Variants in HMCN2 observed in about 807,000 individuals in gnomAD.
HMCN2 encodes the protein hemicentin 2.
HMCN2 carries 325 observed loss-of-function variants against 377.5 expected under a neutral mutation model. The ratio of observed to expected loss-of-function variants is 0.86; its 90% CI spans 0.79 to 0.94. The LOEUF (loss-of-function observed/expected upper bound fraction) is 0.94. HMCN2 is among the 40% of genes least tolerant of loss of function. HMCN2 has a pLI of 0.00. For missense variants in HMCN2, 4,543 were observed against 4,725.3 expected, an observed-to-expected ratio of 0.96 and a Z score of 1.13; for synonymous variants, 2,007 against 2,046.8, an observed-to-expected ratio of 0.98 and a Z score of 0.53.
At position 130,385,833 on chromosome 9, in the gene HMCN2, C is replaced by G. The variant is rs1268625504; in HGVS notation, c.9309+71C>G. ...GTCGCCTCCCAGCCCTGGCGAGCTG[C>G]GGGGAGGAAGGTGGGCAGGATGTGA... On this transcript the variant is annotated intron_variant, in intron 60 of 97. Coordinates refer to ENST00000683500, the MANE Select transcript of HMCN2 (RefSeq NM_001291815.2). The G allele has an allele frequency of 3.6e-6, 4 of 1,112,774 alleles. No individual in the cohort carries two copies. The South Asian group carries it at 4.0e-5, about 11-fold the overall frequency. The allele number at this position is 1,112,774 out of a possible 1,614,324, so 68.9% of individuals were successfully genotyped here.
chr9:130,267,770 T>C (rs142171103), intron 1 of HMCN2, among the ~76,000 whole-genome samples: 2 of 152,254 alleles, frequency 1.3e-5, no homozygotes, highest in African/African-American at 4.8e-5. Context: ...GACAAAGATT[T>C]CTAGGAACAT....
intron 85 of HMCN2, among the ~76,000 whole-genome samples, chr9:130,418,506 C>T (rs930406464): frequency 6.6e-6 from 1 of 152,094 alleles, no homozygotes; most frequent in African/African-American, 2.4e-5. Flanking sequence ...GAGATCGCAC[C>T]ACTGCACTCC....
Position 130,425,710 on chromosome 9 carries a change from A to T in HMCN2, c.13665A>T (p.Gln4555His). 1 of 1,549,400 alleles carries T rather than the reference A, an allele frequency of 6.5e-7. No individual in the cohort carries two copies. Among genetic ancestry groups the T allele is most frequent in the East Asian group, 2.5e-5 (1 of 40,772 alleles). ...AGGACTTTGAGGAGCACTACGTGCA[A>T]ACAGGGCCTGGCCAGCTGTTCGTGG... ...QVQDFEEHYV[Q>H]TGPGQLFVGS... The change falls in exon 90 of 98, where the codon CAA becomes CAT. Residue 4555 changes from glutamine (Q) to histidine (H), a missense_variant. This residue lies in a region of HMCN2 where 1,155 missense variants were observed against 1,157.7 expected (regional missense o/e 1.00). Coordinates refer to ENST00000683500, the MANE Select transcript of HMCN2 (RefSeq NM_001291815.2).
intron 1 of HMCN2, among the ~76,000 whole-genome samples, chr9:130,281,889 C>CAAAAAA (rs782176109): frequency 1.7e-5 from 1 of 58,910 alleles, no homozygotes; most frequent in African/African-American, 6.7e-5. Flanking sequence ...GACTCCATCT[C>CAAAAAA]AAAAAAAAAA....
chr9:130,338,999 G>A (rs1838907120), intron 23 of HMCN2, among the ~76,000 whole-genome samples: 1 of 151,952 alleles, frequency 6.6e-6, no homozygotes, highest in Non-Finnish European at 1.5e-5. Flanking sequence ...GACCAGCCTG[G>A]GCAGCATAGC....
intron 4 of HMCN2, among the ~76,000 whole-genome samples, chr9:130,290,216 T>C (rs782627055): frequency 6.6e-6 from 1 of 151,196 alleles, no homozygotes; most frequent in Non-Finnish European, 1.5e-5. Flanking sequence ...TAGAAGGCAA[T>C]GTCCCCAGGC....
At position 130,431,450 on chromosome 9, in the gene HMCN2, G is replaced by C; in HGVS notation, c.14731G>C (p.Gly4911Arg). The C allele has an allele frequency of 6.5e-7, 1 of 1,550,070 alleles. No homozygotes were observed. The highest frequency in any genetic ancestry group is 8.7e-7 in the Non-Finnish European group (1 of 1,146,820). The change falls in exon 96 of 98, where the codon GGC (glycine) becomes CGC (arginine). Residue 4911 changes from glycine (G) to arginine (R), a missense_variant. By Grantham distance (125) the Gly-to-Arg change is moderately radical (BLOSUM62 -2). Around this residue, in one of 5 missense-constraint regions of HMCN2, gnomAD observed 1,155 missense variants for 1,157.7 expected, o/e 1.00. Transcript: ENST00000683500. The part of the protein sequence containing the change: ...EGSYQCLCPA[G>R]YRLLPSGKNC... ...CAGCTACCAGTGCCTGTGCCCCGCC[G>C]GCTACCGTCTGCTCCCCAGCGGGAA...
Position 130,394,348 on chromosome 9 carries a change from G to A in HMCN2, c.10502-37G>A, listed in dbSNP as rs1324754320. The A allele has an allele frequency of 8.0e-7, 1 of 1,246,232 alleles. No homozygotes were observed. Among genetic ancestry groups the A allele is most frequent in the South Asian group, 1.3e-5 (1 of 79,584 alleles). 77.2% of individuals were successfully genotyped at this position (1,246,232 alleles called of 1,614,324 possible). On this transcript the variant is annotated intron_variant, in intron 68 of 97. Transcript: ENST00000683500. The surrounding 1 kb of genome is among the most constrained non-coding windows in gnomAD (Gnocchi z 5.1). ...AAGTGCGGTGCTGTCCCGGAAATGTGTGTCAATTGTGTGTTCCCCTCCATG... is the reference window on the plus strand; with the variant it reads ...AAGTGCGGTGCTGTCCCGGAAATGTATGTCAATTGTGTGTTCCCCTCCATG...
chr9:130,391,693 C>T (rs984778929), intron 65 of HMCN2, 119 bp downstream of exon 65: 1 of 875,334 alleles, frequency 1.1e-6, no homozygotes. Context: ...CCTGGGCCTC[C>T]ATGGCCCATC....
intron 36 of HMCN2, among the ~76,000 whole-genome samples, chr9:130,359,090 G>C (rs1444008814): frequency 6.6e-6 from 1 of 152,136 alleles, no homozygotes; most frequent in African/African-American, 2.4e-5. Flanking sequence ...CTGTCCTGGG[G>C]TGGGGGCTGG....
At chr9:130,403,087 C>A in intron 78 of HMCN2, 107 bp from the exon 79 acceptor site, 3 of 1,131,700 alleles carry the variant, frequency 2.7e-6, no homozygotes, top group African/African-American at 3.2e-5. Context: ...GTTTCTAGAA[C>A]CCCCGTTCTC....
chr9:130,348,115 G>A lies in HMCN2; in HGVS notation c.4025-430G>A, dbSNP rs373014940. 43 of 843,368 alleles carry A rather than the reference G, an allele frequency of 5.1e-5. No individual in the cohort carries two copies. In the South Asian group the frequency reaches 1.3e-3, roughly 26 times the overall value. 52.2% of individuals were successfully genotyped at this position (843,368 alleles called of 1,614,324 possible). A position where few individuals can be genotyped will look rare whatever the true frequency, so the allele number is the denominator to read the frequency against. On this transcript the variant is annotated intron_variant, in intron 26 of 97. Transcript: ENST00000683500. ...TTGGGCAGTTCTACCAGCTCCTAACGCCACCTGCTGCTTCCCCAGGACCAG... is the reference window on the plus strand; with the variant it reads ...TTGGGCAGTTCTACCAGCTCCTAACACCACCTGCTGCTTCCCCAGGACCAG...
intron 40 of HMCN2, among the ~76,000 whole-genome samples, chr9:130,363,402 C>T (rs1200429516): frequency 6.6e-6 from 1 of 152,174 alleles, no homozygotes; most frequent in African/African-American, 2.4e-5. Context: ...AGAAGAATAG[C>T]ACTCACCTCA....
At chr9:130,384,285 G>C (rs1841895349) in intron 57 of HMCN2, 88 bp from the exon 58 acceptor site, 1 of 1,109,788 alleles carries the variant, frequency 9.0e-7, no homozygotes, top group Admixed American at 3.2e-5. Context: ...CCAGGAGCTG[G>C]GTGAGGCTCA....
At chr9:130,386,377 T>C in intron 60 of HMCN2, 66 bp from the exon 61 acceptor site, 1 of 1,056,656 alleles carries the variant, frequency 9.5e-7, no homozygotes, top group Non-Finnish European at 1.3e-6. Flanking sequence ...CTAGATGCTT[T>C]TGGGGAGCCC....
At position 130,433,825 on chromosome 9, in the gene HMCN2, G is replaced by A. The variant is rs541670509; in HGVS notation, c.*132G>A. 3.3e-4 allele frequency: 244 copies of A among 750,058 alleles called. 1 individual carries two copies. In the African/African-American group the frequency reaches 3.9e-3, roughly 12 times the overall value. The allele number at this position is 750,058 out of a possible 1,614,324, so 46.5% of individuals were successfully genotyped here. On this transcript the variant is annotated 3_prime_UTR_variant, in exon 98 of 98. Coordinates refer to ENST00000683500, the MANE Select transcript of HMCN2 (RefSeq NM_001291815.2). ...CGCCCCGTGCGTCAGCGAGACCTTG[G>A]GTCAACACGACCCTGCGCACAGCCT...
chr9:130,332,379 A>G (rs1588255451), intron 22 of HMCN2, among the ~76,000 whole-genome samples: 1 of 152,124 alleles, frequency 6.6e-6, no homozygotes, highest in African/African-American at 2.4e-5. Context: ...CCAGGACCAC[A>G]CCTCCGGAGG....
intron 23 of HMCN2, among the ~76,000 whole-genome samples, 153 bp from the exon 24 acceptor site, chr9:130,340,958 G>C (rs1159197325): frequency 6.6e-6 from 1 of 152,240 alleles, no homozygotes; most frequent in African/African-American, 2.4e-5. Flanking sequence ...GGGAGTCCAC[G>C]TGAGGTGTCC....
intron 41 of HMCN2, among the ~76,000 whole-genome samples, chr9:130,365,090 C>T (rs1239698758): frequency 2.0e-5 from 3 of 152,364 alleles, no homozygotes; most frequent in East Asian, 3.9e-4. Flanking sequence ...TTAGAACCTT[C>T]CTCACCTGTC....
Sources: allele counts gnomAD v4.1 joint callset (sites outside exome capture counted in the v4.1 genomes callset), GRCh38; gene constraint gnomAD v4.1.1; regional missense constraint gnomAD v4.1.1; non-coding constraint Gnocchi (gnomAD v3.1); transcripts MANE v1.5; gene names NCBI Gene and HGNC (gene_info 2026-07-23, HGNC 2026-07-21).